The following CALM3 variants were observed in gnomAD, a reference collection of about 807,000 sequenced individuals.
CALM3 encodes the protein calmodulin-3.
In CALM3, 5 loss-of-function variants were observed where a neutral mutation model predicts 20.1. The observed-to-expected ratio is 0.25, with a 90% confidence interval of 0.13 to 0.52. CALM3 has a LOEUF of 0.52. CALM3 is among the 20% of genes least tolerant of loss of function. The pLI is 0.96. For missense variants in CALM3, 57 were observed against 192.8 expected, an observed-to-expected ratio of 0.30 and a Z score of 4.17; for synonymous variants, 69 against 68.1, an observed-to-expected ratio of 1.01 and a Z score of -0.06.
chr19:46,607,786 A>G (rs770534911), intron 2 of CALM3, among the ~76,000 whole-genome samples: 2 of 152,176 alleles, frequency 1.3e-5, no homozygotes, highest in African/African-American at 4.8e-5. Flanking sequence ...CAGCCAGCCA[A>G]CCCTGGCTAA....
chr19:46,604,007 T>TGAA (rs1971688944), intron 1 of CALM3, among the ~76,000 whole-genome samples: 1 of 152,196 alleles, frequency 6.6e-6, no homozygotes, highest in Admixed American at 6.5e-5. Context: ...GCTGGACTTC[T>TGAA]TGCAGGGCGG....
intron 1 of CALM3, among the ~76,000 whole-genome samples, chr19:46,603,990 C>G (rs1971688386): frequency 6.6e-6 from 1 of 152,220 alleles, no homozygotes; most frequent in Non-Finnish European, 1.5e-5. Context: ...GCCCAAAGGT[C>G]CGGGGAGCTG....
At position 46,608,652 on chromosome 19, in the gene CALM3, C is replaced by A; in HGVS notation, c.285+64C>A. On this transcript the variant is annotated intron_variant, in intron 4 of 5. Transcript: ENST00000291295. The surrounding 1 kb of genome is among the most constrained non-coding windows in gnomAD (Gnocchi z 5.5). ...CCAGCCTTCAGGCAGACAGGCGGAA[C>A]TGGAGCCACGGAGCTACCACTTCCA... 7.0e-7 allele frequency: 1 copy of A among 1,427,880 alleles called. No individual in the cohort carries two copies. Among genetic ancestry groups the A allele is most frequent in the Non-Finnish European group, 9.8e-7 (1 of 1,019,274 alleles). The allele number at this position is 1,427,880 out of a possible 1,614,324, so 88.5% of individuals were successfully genotyped here.
Position 46,604,337 on chromosome 19 carries a change from C to T in CALM3, c.4-1490C>T, listed in dbSNP as rs149133887. Among the ~76,000 whole-genome samples the T allele has an allele frequency of 4.3e-4, 66 of 152,178 alleles. No individual in the cohort carries two copies. The East Asian group carries it at 7.6e-3, about 17-fold the overall frequency. Reference sequence around the variant, plus strand: ...ACCAGGTTGGCATTTAGAAGCCCAACCACCCTGTCTTTTTTGAAGGCAATG... The same window carrying T: ...ACCAGGTTGGCATTTAGAAGCCCAATCACCCTGTCTTTTTTGAAGGCAATG... On this transcript the variant is annotated intron_variant, in intron 1 of 5. Coordinates refer to ENST00000291295, the MANE Select transcript of CALM3 (RefSeq NM_005184.4).
At chr19:46,607,229 T>G (rs144423777) in intron 2 of CALM3, among the ~76,000 whole-genome samples, 88 of 152,150 alleles carry the variant, frequency 5.8e-4, no homozygotes, top group Admixed American at 9.8e-4. Context: ...GCCCAGAGGC[T>G]CAGGGCCACA....
At chr19:46,607,690 A>C (rs1287906587) in intron 2 of CALM3, among the ~76,000 whole-genome samples, 1 of 152,234 alleles carries the variant, frequency 6.6e-6, no homozygotes, top group Non-Finnish European at 1.5e-5. Flanking sequence ...ACGGCAAGGA[A>C]CAGGGCTGCC....
In CALM3 at chr19:46,608,625, C is replaced by G. The variant is rs368015939; in HGVS notation, c.285+37C>G. The G allele has an allele frequency of 6.5e-7, 1 of 1,530,052 alleles. No individual in the cohort carries two copies. Among genetic ancestry groups the G allele is most frequent in the African/African-American group, 1.4e-5 (1 of 73,160 alleles). 94.8% of individuals were successfully genotyped at this position (1,530,052 alleles called of 1,614,324 possible). ...TCTCCAGGGGCGGCTCTGAGACTGACGCCAGCCTTCAGGCAGACAGGCGGA... is the reference window on the plus strand; with the variant it reads ...TCTCCAGGGGCGGCTCTGAGACTGAGGCCAGCCTTCAGGCAGACAGGCGGA... On this transcript the variant is annotated intron_variant, in intron 4 of 5. Transcript: ENST00000291295. This position sits in a 1 kb window ranked among gnomAD's most constrained non-coding sequence, Gnocchi z 5.5.
At chr19:46,603,486 G>A (rs1035926265) in intron 1 of CALM3, among the ~76,000 whole-genome samples, 3 of 152,184 alleles carry the variant, frequency 2.0e-5, no homozygotes, top group Non-Finnish European at 2.9e-5. Flanking sequence ...GGCATTGGCT[G>A]GGGGCTGGGG....
chr19:46,602,007 C>A, intron 1 of CALM3: 1 of 945,804 alleles, frequency 1.1e-6, no homozygotes, highest in Non-Finnish European at 1.4e-6. Flanking sequence ...GATGGGCGGT[C>A]ACTTCTACAG....
Position 46,601,431 on chromosome 19 carries a change from C to T in CALM3, c.-4C>T, listed in dbSNP as rs774864385. ...CCCGTGCTCCGGACACCCCGGGCCT[C>T]GCCATGGTGAGTGAGGCTGGGGGGT... On this transcript the variant is annotated 5_prime_UTR_variant, in exon 1 of 6. Coordinates refer to ENST00000291295, the MANE Select transcript of CALM3 (RefSeq NM_005184.4). The surrounding 1 kb of genome is among the most constrained non-coding windows in gnomAD (Gnocchi z 4.2). The T allele has an allele frequency of 2.7e-6, 4 of 1,502,460 alleles. No homozygotes were observed. The highest frequency in any genetic ancestry group is 3.5e-6 in the Non-Finnish European group (4 of 1,127,070). The allele number at this position is 1,502,460 out of a possible 1,614,324, so 93.1% of individuals were successfully genotyped here.
chr19:46,603,965 G>GC (rs1971687588), intron 1 of CALM3, among the ~76,000 whole-genome samples: 1 of 152,174 alleles, frequency 6.6e-6, no homozygotes, highest in African/African-American at 2.4e-5. Flanking sequence ...CCCACCCCCA[G>GC]CCCCTTACAG....
chr19:46,601,145 A>C, upstream of CALM3: 2 of 616,288 alleles, frequency 3.2e-6, no homozygotes, highest in Non-Finnish European at 5.4e-6. The surrounding 1 kb of genome is among the most constrained non-coding windows in gnomAD (Gnocchi z 4.2). Flanking sequence ...ATTCCTGTGC[A>C]GGGTGGGGAC....
At chr19:46,601,190 C>T (rs1181527953), upstream of CALM3, 1 of 397,314 alleles carries the variant, frequency 2.5e-6, no homozygotes, top group Non-Finnish European at 4.2e-6. The surrounding 1 kb of genome is among the most constrained non-coding windows in gnomAD (Gnocchi z 4.2). Flanking sequence ...TGGAGCGGGG[C>T]GCGGAGGGAT....
intron 2 of CALM3, among the ~76,000 whole-genome samples, chr19:46,607,454 G>A (rs1971765536): frequency 6.6e-6 from 1 of 152,210 alleles, no homozygotes; most frequent in Non-Finnish European, 1.5e-5. Flanking sequence ...TGGGCCCAGT[G>A]GGAGGGCAAG....
At position 46,602,178 on chromosome 19, in the gene CALM3, G is replaced by A. The variant is rs1473741775; in HGVS notation, c.3+741G>A. On this transcript the variant is annotated intron_variant, in intron 1 of 5. Coordinates refer to ENST00000291295, the MANE Select transcript of CALM3 (RefSeq NM_005184.4). ...TCTTGAAGGCTTCCGGGACGGAGAAGGATCAGGGTCGTGGAGGTGGTGAAA... is the reference window on the plus strand; with the variant it reads ...TCTTGAAGGCTTCCGGGACGGAGAAAGATCAGGGTCGTGGAGGTGGTGAAA... 8 of 1,353,292 alleles carry A rather than the reference G, an allele frequency of 5.9e-6. No homozygotes were observed. The Admixed American group carries it at 1.4e-4, about 24-fold the overall frequency. The allele number at this position is 1,353,292 out of a possible 1,614,324, so 83.8% of individuals were successfully genotyped here. A position where few individuals can be genotyped will look rare whatever the true frequency, so the allele number is the denominator to read the frequency against.
rs1179854551 is a variant in CALM3, at chr19:46,608,710, C to T, written c.285+122C>T. The T allele has an allele frequency of 7.8e-7, 1 of 1,278,244 alleles. No homozygotes were observed. Among genetic ancestry groups the T allele is most frequent in the Non-Finnish European group, 1.1e-6 (1 of 915,758 alleles). 79.2% of individuals were successfully genotyped at this position (1,278,244 alleles called of 1,614,324 possible). On this transcript the variant is annotated intron_variant, in intron 4 of 5. Coordinates refer to ENST00000291295, the MANE Select transcript of CALM3 (RefSeq NM_005184.4). The surrounding 1 kb of genome is among the most constrained non-coding windows in gnomAD (Gnocchi z 5.5). ...CGGGTCCCGGTGCCAGCCTCATTGC[C>T]AACCTGCTCTGCCACCTCAGGCAGC...
At chr19:46,604,716 G>T (rs371624896) in intron 1 of CALM3, among the ~76,000 whole-genome samples, 4 of 152,050 alleles carry the variant, frequency 2.6e-5, no homozygotes, top group South Asian at 2.1e-4. Context: ...TCTCAGACTC[G>T]AGACTAGAAC....
At position 46,605,732 on chromosome 19, in the gene CALM3, C is replaced by A; in HGVS notation, c.4-95C>A. 1 of 1,224,716 alleles carries A rather than the reference C, an allele frequency of 8.2e-7. No individual in the cohort carries two copies. The highest frequency in any genetic ancestry group is 1.2e-6 in the Non-Finnish European group (1 of 830,056). The allele number at this position is 1,224,716 out of a possible 1,614,324, so 75.9% of individuals were successfully genotyped here. ...GGCCCGGCGGGAATGGCACGTGGAGCTGGCCTCACTGGGGCCGAGGGTCTG... is the reference window on the plus strand; with the variant it reads ...GGCCCGGCGGGAATGGCACGTGGAGATGGCCTCACTGGGGCCGAGGGTCTG... On this transcript the variant is annotated intron_variant, in intron 1 of 5. Transcript: ENST00000291295. This position sits in a 1 kb window ranked among gnomAD's most constrained non-coding sequence, Gnocchi z 4.1.
At position 46,609,372 on chromosome 19, in the gene CALM3, C is replaced by T. The variant is rs1348199989; in HGVS notation, c.*219C>T. The T allele has an allele frequency of 4.9e-6, 3 of 606,316 alleles. No homozygotes were observed. Among genetic ancestry groups the T allele is most frequent in the South Asian group, 2.0e-5 (1 of 49,368 alleles). 37.6% of individuals were successfully genotyped at this position (606,316 alleles called of 1,614,324 possible). On this transcript the variant is annotated 3_prime_UTR_variant, in exon 6 of 6. Transcript: ENST00000291295. ...CCATGCCCCTCATCTCTTCCTTTTG[C>T]CCTCGCCTCTTCCATCCATGTCTTC...
Sources: gnomAD v4.1 joint callset for allele counts (sites outside exome capture counted in the v4.1 genomes callset) on GRCh38, gnomAD v4.1.1 for gene constraint, Gnocchi (gnomAD v3.1) non-coding constraint, MANE v1.5 for transcripts, NCBI Gene and HGNC (gene_info 2026-07-23, HGNC 2026-07-21) for gene names.